PHF21B: variants seen among roughly 807,000 people sequenced by gnomAD.
PHF21B encodes the protein PHD finger protein 4.
A neutral mutation model predicts 62.2 loss-of-function variants in PHF21B; 22 were observed. That is an observed-to-expected ratio of 0.35 (90% CI 0.25 to 0.51). The LOEUF (loss-of-function observed/expected upper bound fraction) is 0.51. Ranked by LOEUF, PHF21B falls within the 20% of genes least tolerant of loss-of-function variation. The probability of loss-of-function intolerance (pLI) is 0.97; values close to 1 mark genes in which losing one functional copy is unlikely to be tolerated. For synonymous variants in PHF21B, 341 were observed against 314.7 expected, an observed-to-expected ratio of 1.08 and a Z score of -0.88; for missense variants, 701 against 707.9, an observed-to-expected ratio of 0.99 and a Z score of 0.11.
chr22:44,988,549 A>T (rs2072992188), intron 2 of PHF21B, among the ~76,000 whole-genome samples: 1 of 152,250 alleles, frequency 6.6e-6, no homozygotes, highest in Non-Finnish European at 1.5e-5. Context: ...AATGACTAGA[A>T]GTCCACCAAA....
In PHF21B at chr22:44,916,260, G is replaced by A. The variant is rs745434172; in HGVS notation, c.564+20C>T. On this transcript the variant is annotated intron_variant, in intron 4 of 12. Transcript: ENST00000313237. ...TATGCGGCCGCACACCCTTTCCGGA[G>A]CCTGCTGGTGGGCACTCACCTTGTT... 1 of 1,602,396 alleles carries A rather than the reference G, an allele frequency of 6.2e-7. No homozygotes were observed. Among genetic ancestry groups the A allele is most frequent in the Admixed American group, 1.7e-5 (1 of 58,160 alleles).
At chr22:44,900,842 C>G (rs1394124956) in intron 5 of PHF21B, among the ~76,000 whole-genome samples, 1 of 147,192 alleles carries the variant, frequency 6.8e-6, no homozygotes, top group African/African-American at 2.5e-5. Context: ...CATAGTCAAT[C>G]AGTAACTTCA....
chr22:44,887,117 T>C lies in PHF21B; in HGVS notation c.1197+846A>G, dbSNP rs187464666. Reference sequence around the variant, plus strand: ...GTGGCAGTGAGCTGAGATCATGCCATTGCACTCCAGCTTGGGCAACAAGAG... The same window carrying C: ...GTGGCAGTGAGCTGAGATCATGCCACTGCACTCCAGCTTGGGCAACAAGAG... On this transcript the variant is annotated intron_variant, in intron 10 of 12. Coordinates refer to ENST00000313237, the MANE Select transcript of PHF21B (RefSeq NM_138415.5). Among the ~76,000 whole-genome samples, 9 of 147,572 alleles carry C rather than the reference T, an allele frequency of 6.1e-5. No homozygotes were observed. The East Asian group carries it at 1.6e-3, about 26-fold the overall frequency.
Position 45,008,528 on chromosome 22 carries a change from G to C in PHF21B, c.120+17C>G. 6.4e-7 allele frequency: 1 copy of C among 1,560,408 alleles called. No homozygotes were observed. Among genetic ancestry groups the C allele is most frequent in the Non-Finnish European group, 8.7e-7 (1 of 1,151,152 alleles). ...CTCCCGCCCCATCCCAGGGGGGGCC[G>C]CGATCCCATCGCTTACTTGTTTGTC... is the stretch of plus-strand genomic sequence containing the variant. On this transcript the variant is annotated intron_variant, in intron 2 of 12. Coordinates refer to ENST00000313237, the MANE Select transcript of PHF21B (RefSeq NM_138415.5).
chr22:45,008,758 C>T (rs2073373128), intron 1 of PHF21B, 148 bp from the exon 2 acceptor site: 1 of 1,148,516 alleles, frequency 8.7e-7, no homozygotes, highest in Non-Finnish European at 1.1e-6. Flanking sequence ...GTCCTGCACG[C>T]GCGGCGGCCG....
intron 6 of PHF21B, 39 bp downstream of exon 6, chr22:44,895,993 G>A: frequency 6.2e-7 from 1 of 1,613,206 alleles, no homozygotes; most frequent in Non-Finnish European, 8.5e-7. Context: ...TTTCGGGTCA[G>A]TCCCAGCCCA....
chr22:44,933,965 C>T (rs1020862686), intron 2 of PHF21B, among the ~76,000 whole-genome samples: 1 of 152,238 alleles, frequency 6.6e-6, no homozygotes, highest in Non-Finnish European at 1.5e-5. Flanking sequence ...CTGCCATGCT[C>T]AGCAGTCGCT....
intron 2 of PHF21B, among the ~76,000 whole-genome samples, chr22:44,935,569 G>A (rs1326327582): frequency 6.6e-6 from 1 of 151,792 alleles, no homozygotes; most frequent in East Asian, 1.9e-4. Flanking sequence ...AGCCGAGATC[G>A]AGCCACTGCA....
In PHF21B at chr22:44,919,641, T is replaced by C. The variant is rs563463317; in HGVS notation, c.213+757A>G. On this transcript the variant is annotated intron_variant, in intron 3 of 12. Transcript: ENST00000313237. The stretch of plus-strand genomic sequence containing the variant: ...GACAGGCAGGGGCCATCTTGGTCTT[T>C]ACCACTGGCAGCCTCTGGCCCAGTA... Among the ~76,000 whole-genome samples the C allele has an allele frequency of 4.5e-4, 69 of 152,370 alleles. 1 individual carries two copies. In the Middle Eastern group the frequency reaches 0.014, roughly 30 times the overall value.
At chr22:44,947,565 C>A (rs2072100143) in intron 2 of PHF21B, among the ~76,000 whole-genome samples, 1 of 152,108 alleles carries the variant, frequency 6.6e-6, no homozygotes, top group Admixed American at 6.5e-5. Flanking sequence ...GGGCCCAGAG[C>A]ACTCACCGCA....
chr22:44,973,258 G>A (rs984917610), intron 2 of PHF21B, among the ~76,000 whole-genome samples: 3 of 152,152 alleles, frequency 2.0e-5, no homozygotes, highest in African/African-American at 7.2e-5. Context: ...GTCCGCCAAA[G>A]AAGCAAAGAG....
chr22:44,888,813 G>A (rs2070907529), intron 9 of PHF21B, among the ~76,000 whole-genome samples: 2 of 152,186 alleles, frequency 1.3e-5, no homozygotes, highest in African/African-American at 4.8e-5. Context: ...CAGGGAGGGA[G>A]AGGCGGTTGT....
At chr22:44,960,313 C>A (rs2072392234) in intron 2 of PHF21B, among the ~76,000 whole-genome samples, 1 of 152,168 alleles carries the variant, frequency 6.6e-6, no homozygotes, top group South Asian at 2.1e-4. Context: ...GACATCAAGA[C>A]AATTATCTCT....
At chr22:44,989,605 T>A (rs1033222055) in intron 2 of PHF21B, 5 of 4,212 alleles carry the variant, frequency 1.2e-3, no homozygotes, top group Non-Finnish European at 3.0e-3. Flanking sequence ...ACAACTCGAC[T>A]TTTTTTTTTT....
intron 2 of PHF21B, among the ~76,000 whole-genome samples, chr22:45,005,498 T>G (rs2073299310): frequency 6.6e-6 from 1 of 152,228 alleles, no homozygotes; most frequent in South Asian, 2.1e-4. Flanking sequence ...TATCTCTATC[T>G]ACCCTGACCA....
At chr22:44,904,358 T>G (rs1036591038) in intron 5 of PHF21B, among the ~76,000 whole-genome samples, 2 of 152,228 alleles carry the variant, frequency 1.3e-5, no homozygotes, top group Non-Finnish European at 2.9e-5. Context: ...CGGTTGTTTC[T>G]TATACCCACT....
In PHF21B at chr22:45,009,408, CG is replaced by C. The variant is rs1227122865; in HGVS notation, c.54+87del. On this transcript the variant is annotated intron_variant, in intron 1 of 12. Transcript: ENST00000313237. The surrounding 1 kb of genome is among the most constrained non-coding windows in gnomAD (Gnocchi z 5.9). ...CTCCAGCCTGGAAGACCCAGAGACC[CG>C]GAAGAGAGGATGCTGGGCTCGGGTC... The C allele has an allele frequency of 7.4e-7, 1 of 1,342,574 alleles. No individual in the cohort carries two copies. 83.2% of individuals were successfully genotyped at this position (1,342,574 alleles called of 1,614,324 possible).
intron 2 of PHF21B, among the ~76,000 whole-genome samples, chr22:44,932,301 AG>A (rs1206453078): frequency 1.3e-5 from 2 of 152,166 alleles, no homozygotes; most frequent in African/African-American, 4.8e-5. Flanking sequence ...CTGAGGTAAG[AG>A]GAAAAACACA....
intron 2 of PHF21B, among the ~76,000 whole-genome samples, chr22:44,984,349 C>A (rs527516459): frequency 1.1e-4 from 17 of 151,456 alleles, no homozygotes; most frequent in African/African-American, 3.9e-4. Context: ...ACCTTCACAT[C>A]TTTCCATCTG....
Sources: allele counts gnomAD v4.1 joint callset (sites outside exome capture counted in the v4.1 genomes callset), GRCh38; gene constraint gnomAD v4.1.1; non-coding constraint Gnocchi (gnomAD v3.1); transcripts MANE v1.5; gene names NCBI Gene and HGNC (gene_info 2026-07-23, HGNC 2026-07-21).